TMCO4: variants seen among roughly 807,000 people sequenced by gnomAD.
TMCO4 encodes transmembrane and coiled-coil domains 4.
Under a neutral mutation model 64.7 loss-of-function variants are expected in TMCO4, and 58 were observed. That is an observed-to-expected ratio of 0.90 (90% CI 0.73 to 1.12). The LOEUF (loss-of-function observed/expected upper bound fraction) is 1.12. Ranked by LOEUF, TMCO4 falls within the 50% of genes most tolerant of loss-of-function variation. The pLI, the probability that TMCO4 is intolerant of heterozygous loss-of-function variation, is 0.00. For missense variants in TMCO4, 780 were observed against 825.9 expected (o/e 0.94, Z 0.68); for synonymous variants, 325 against 346.1 (o/e 0.94, Z 0.68).
intron 13 of TMCO4, among the ~76,000 whole-genome samples, chr1:19,720,249 C>T (rs532032966): frequency 5.9e-5 from 9 of 152,194 alleles, no homozygotes; most frequent in African/African-American, 1.7e-4. Flanking sequence ...GGAGTCCTCC[C>T]GCCTCGGCCT....
At chr1:19,787,319 T>G (rs567039443) in intron 2 of TMCO4, among the ~76,000 whole-genome samples, 54 of 152,354 alleles carry the variant, frequency 3.5e-4, no homozygotes, top group African/African-American at 1.3e-3. Flanking sequence ...CAGCTACCAC[T>G]GCTGAGCACT....
At chr1:19,701,724 G>T (rs940876331) in intron 13 of TMCO4, among the ~76,000 whole-genome samples, 6 of 152,106 alleles carry the variant, frequency 3.9e-5, no homozygotes, top group African/African-American at 1.4e-4. Context: ...CAGACTGGTG[G>T]GAAGTGGGGG....
intron 6 of TMCO4, among the ~76,000 whole-genome samples, chr1:19,766,920 G>A (rs1048300462): frequency 2.0e-5 from 3 of 152,152 alleles, no homozygotes; most frequent in African/African-American, 7.2e-5. Flanking sequence ...ACCTACCTCT[G>A]ATCTCTGGGG....
chr1:19,690,192 C>T (rs1420060203), intron 15 of TMCO4, among the ~76,000 whole-genome samples: 1 of 152,194 alleles, frequency 6.6e-6, no homozygotes, highest in Non-Finnish European at 1.5e-5. Flanking sequence ...ATCAGCGTGT[C>T]CTCATTCTTC....
chr1:19,692,299 A>G (rs1030826066), intron 15 of TMCO4, among the ~76,000 whole-genome samples: 5 of 151,708 alleles, frequency 3.3e-5, no homozygotes, highest in Non-Finnish European at 7.4e-5. Context: ...TCTCATATCT[A>G]CCTGGGCTGG....
At chr1:19,793,990 G>A (rs1266597703) in intron 2 of TMCO4, among the ~76,000 whole-genome samples, 1 of 151,954 alleles carries the variant, frequency 6.6e-6, no homozygotes, top group Non-Finnish European at 1.5e-5. Context: ...TCAAAGTCAA[G>A]GTCCTTACAA....
rs529088023 is a variant in TMCO4 at position 19,712,206 on chromosome 1, A to G, written c.1265-11321T>C. Among the ~76,000 whole-genome samples, 87 of 152,372 alleles carry G rather than the reference A, an allele frequency of 5.7e-4. 2 individuals carry two copies. In the South Asian group the frequency reaches 0.016, roughly 28 times the overall value. ...GTGGGGAACAGCCAGCTGGTGGAGC[A>G]TCGGAACACACACAACATTTACTAA... On this transcript the variant is annotated intron_variant, in intron 13 of 15. Coordinates refer to ENST00000294543, the MANE Select transcript of TMCO4 (RefSeq NM_181719.7).
intron 2 of TMCO4, among the ~76,000 whole-genome samples, chr1:19,797,866 A>C (rs531822042): frequency 1.3e-3 from 192 of 147,650 alleles, no homozygotes; most frequent in Non-Finnish European, 2.3e-3. Context: ...TCTGTCAAAA[A>C]AAAAAAAAGA....
chr1:19,747,247 A>G lies in TMCO4; in HGVS notation c.529T>C (p.Ser177Pro), dbSNP rs1400854390. The G allele has an allele frequency of 6.2e-7, 1 of 1,613,418 alleles. No individual in the cohort carries two copies. The highest frequency in any genetic ancestry group is 1.3e-5 in the African/African-American group (1 of 74,866). Residue 177 changes from serine (S) to proline (P), a missense_variant, in exon 8 of 16, where the codon TCC becomes CCC. Coordinates refer to ENST00000294543, the MANE Select transcript of TMCO4 (RefSeq NM_181719.7). ...CTCCGGTTTTCTTTCTTCTTTCGGG[A>G]TGCCTCGGCCATTCTGAGGGAAAAG... ...KEEESEMAEA[S>P]RKKKENRRKW...
chr1:19,764,042 G>A (rs1174424383), intron 6 of TMCO4, among the ~76,000 whole-genome samples: 3 of 152,160 alleles, frequency 2.0e-5, no homozygotes, highest in Non-Finnish European at 4.4e-5. Context: ...AGAGAGGAGG[G>A]GTTGCTTCTG....
At chr1:19,726,719 G>C (rs1249310243) in intron 13 of TMCO4, among the ~76,000 whole-genome samples, 3 of 152,164 alleles carry the variant, frequency 2.0e-5, no homozygotes, top group Non-Finnish European at 2.9e-5. Context: ...CCACGCAGGT[G>C]GTCTGGGTTT....
At chr1:19,774,854 C>T (rs554543885) in intron 4 of TMCO4, among the ~76,000 whole-genome samples, 17 of 152,202 alleles carry the variant, frequency 1.1e-4, no homozygotes, top group African/African-American at 4.1e-4. Context: ...ATCCTAGATC[C>T]AGAGAGGTTA....
chr1:19,779,213 C>T (rs1227599005), intron 4 of TMCO4, among the ~76,000 whole-genome samples: 1 of 152,198 alleles, frequency 6.6e-6, no homozygotes, highest in East Asian at 1.9e-4. Context: ...GCTCCCTGTC[C>T]TAGTAACGGT....
At chr1:19,697,465 G>A (rs866220884) in intron 14 of TMCO4, among the ~76,000 whole-genome samples, 2 of 148,084 alleles carry the variant, frequency 1.4e-5, no homozygotes, top group Admixed American at 6.8e-5. Flanking sequence ...ACATAGTCTC[G>A]CTCTGTTGCC....
chr1:19,771,422 G>C lies in TMCO4; in HGVS notation c.240C>G (p.Val80=), dbSNP rs774365620. 1.2e-6 allele frequency: 2 copies of C among 1,614,132 alleles called. No individual in the cohort carries two copies. Among genetic ancestry groups the C allele is most frequent in the Non-Finnish European group, 8.5e-7 (1 of 1,180,014 alleles). The change falls in exon 5 of 16, where the codon GTC becomes GTG. Residue 80 remains valine (V), a synonymous_variant. Coordinates refer to ENST00000294543, the MANE Select transcript of TMCO4 (RefSeq NM_181719.7). The stretch of plus-strand genomic sequence containing the variant: ...TCGCAAAAGCAGTCATGGTTGGCAA[G>C]ACAGCTTCAGACAACTCCAGCCACT... ...LVQWLELSEA[V]LPTMTAFASG... is the part of the protein sequence containing the mutation.
chr1:19,699,515 T>TA (rs1557469830), intron 14 of TMCO4, among the ~76,000 whole-genome samples: 6 of 133,432 alleles, frequency 4.5e-5, no homozygotes, highest in South Asian at 2.3e-4. Flanking sequence ...ATATATATAT[T>TA]GAGATGGAGT....
intron 6 of TMCO4, among the ~76,000 whole-genome samples, chr1:19,769,962 G>GC: frequency 8.0e-6 from 1 of 124,532 alleles, no homozygotes; most frequent in East Asian, 1.9e-4. Flanking sequence ...GCTGCCGGAG[G>GC]CCGGCATGGC....
In TMCO4 at chr1:19,768,922, T is replaced by C. The variant is rs2042863192; in HGVS notation, c.382+1620A>G. Among the ~76,000 whole-genome samples, 3 of 152,082 alleles carry C rather than the reference T, an allele frequency of 2.0e-5. No homozygotes were observed. The South Asian group carries it at 6.2e-4, about 32-fold the overall frequency. On this transcript the variant is annotated intron_variant, in intron 6 of 15. Transcript: ENST00000294543. ...GTAGCAAGGGCTTAGAGGCCTTTTT[T>C]AAAAAACAGTAAAGAAAGTTTATTA...
chr1:19,744,725 G>T (rs1382169363), intron 10 of TMCO4, among the ~76,000 whole-genome samples: 2 of 152,046 alleles, frequency 1.3e-5, no homozygotes. Flanking sequence ...TCTGCTCCTG[G>T]TTTATCGGGC....
Sources: gnomAD v4.1 joint callset for allele counts (sites outside exome capture counted in the v4.1 genomes callset) on GRCh38, gnomAD v4.1.1 for gene constraint, MANE v1.5 for transcripts, NCBI Gene and HGNC (gene_info 2026-07-23, HGNC 2026-07-21) for gene names.